The following UGT1A7 variants were observed in gnomAD, a reference collection of about 807,000 sequenced individuals.
The protein encoded by UGT1A7 is UDP glucuronosyltransferase family 1 member A7.
A neutral mutation model predicts 45.6 loss-of-function variants in UGT1A7; 33 were observed. That is an observed-to-expected ratio of 0.72 (90% CI 0.55 to 0.97). The LOEUF is 0.97. Ranked by LOEUF, UGT1A7 falls within the 50% of genes least tolerant of loss-of-function variation. UGT1A7 has a pLI of 0.00. For synonymous variants in UGT1A7, 274 were observed against 250.6 expected (o/e 1.09, Z -0.88); for missense variants, 684 against 666.2 (o/e 1.03, Z -0.29).
intron 1 of UGT1A7, chr2:233,692,825 T>C: frequency 4.2e-6 from 6 of 1,437,362 alleles, no homozygotes; most frequent in Non-Finnish European, 3.6e-6. Flanking sequence ...ATTAACCATG[T>C]GATTAAAATG....
intron 1 of UGT1A7, among the ~76,000 whole-genome samples, chr2:233,758,114 C>T (rs192892910): frequency 7.9e-5 from 12 of 152,298 alleles, no homozygotes; most frequent in South Asian, 2.1e-4. Context: ...AGGGCTCACA[C>T]GTTCCATAAA....
At chr2:233,725,467 G>A (rs1170231243) in intron 1 of UGT1A7, among the ~76,000 whole-genome samples, 1 of 151,678 alleles carries the variant, frequency 6.6e-6, no homozygotes, top group Non-Finnish European at 1.5e-5. Flanking sequence ...TTTTCTAGTG[G>A]GCATGTTAGA....
intron 1 of UGT1A7, among the ~76,000 whole-genome samples, chr2:233,757,936 C>A (rs1430982400): frequency 6.6e-6 from 1 of 152,072 alleles, no homozygotes; most frequent in African/African-American, 2.4e-5. Context: ...AAAGCAAGAC[C>A]ATCATATTGC....
chr2:233,729,694 C>A (rs1447462481), intron 1 of UGT1A7: 7 of 1,613,908 alleles, frequency 4.3e-6, no homozygotes, highest in Non-Finnish European at 5.9e-6. Flanking sequence ...GTGTCCAAAC[C>A]CTTCCTCCTA....
At chr2:233,696,110 A>C (rs2075324889) in intron 1 of UGT1A7, among the ~76,000 whole-genome samples, 1 of 152,238 alleles carries the variant, frequency 6.6e-6, no homozygotes, top group Admixed American at 6.5e-5. Flanking sequence ...AACAAAACAA[A>C]AAGAACTAGA....
chr2:233,719,433 A>G, intron 1 of UGT1A7: 1 of 1,613,974 alleles, frequency 6.2e-7, no homozygotes, highest in Non-Finnish European at 8.5e-7. Flanking sequence ...TTCAGACCAC[A>G]TGACATTCCT....
chr2:233,766,003 G>A (rs1430572640), intron 1 of UGT1A7, among the ~76,000 whole-genome samples: 1 of 152,074 alleles, frequency 6.6e-6, no homozygotes, highest in Non-Finnish European at 1.5e-5. Flanking sequence ...AGTGGGCGTG[G>A]GTTATGGCCT....
At chr2:233,704,936 G>C (rs2075813786) in intron 1 of UGT1A7, among the ~76,000 whole-genome samples, 1 of 152,114 alleles carries the variant, frequency 6.6e-6, no homozygotes, top group South Asian at 2.1e-4. Context: ...CCTAGATCAA[G>C]ACCAGCCTGG....
intron 1 of UGT1A7, among the ~76,000 whole-genome samples, chr2:233,686,811 C>G (rs901755275): frequency 1.2e-4 from 18 of 152,132 alleles, no homozygotes; most frequent in African/African-American, 4.3e-4. Flanking sequence ...GTTACTTTTC[C>G]CTACCTATTT....
At chr2:233,698,537 C>T (rs1177277772) in intron 1 of UGT1A7, among the ~76,000 whole-genome samples, 3 of 152,152 alleles carry the variant, frequency 2.0e-5, no homozygotes, top group Admixed American at 6.5e-5. Context: ...GTAAACAGAA[C>T]ACGAGTGGCC....
rs753289474 is a variant in UGT1A7 at position 233,769,632 on chromosome 2, G to C, written c.1295+1193G>C. ...CACCAGCTTGAGCAAGGGACAACAG[G>C]GGAGGACTGATGACTGACTTCCCAC... On this transcript the variant is annotated intron_variant, in intron 4 of 4. Transcript: ENST00000373426. This position sits in a 1 kb window ranked among gnomAD's most constrained non-coding sequence, Gnocchi z 4.4. The C allele has an allele frequency of 1.7e-5, 27 of 1,611,424 alleles. No individual in the cohort carries two copies. Among genetic ancestry groups the C allele is most frequent in the Non-Finnish European group, 1.8e-5 (21 of 1,179,338 alleles).
chr2:233,755,325 G>T, intron 1 of UGT1A7: 1 of 473,384 alleles, frequency 2.1e-6, no homozygotes, highest in Non-Finnish European at 3.6e-6. Flanking sequence ...AAGGCTGCCA[G>T]CACCCGCGCA....
rs909741702 is a variant in UGT1A7, at chr2:233,769,798, T to C, written c.1295+1359T>C. On this transcript the variant is annotated intron_variant, in intron 4 of 4. Coordinates refer to ENST00000373426, the MANE Select transcript of UGT1A7 (RefSeq NM_019077.3). This position sits in a 1 kb window ranked among gnomAD's most constrained non-coding sequence, Gnocchi z 4.4. ...TGAGCCCAGAAGTTGGAGGCTGCTA[T>C]GAGCCGTGATCATGCCACTGCACTC... The C allele has an allele frequency of 8.3e-7, 1 of 1,206,032 alleles. No homozygotes were observed. The highest frequency in any genetic ancestry group is 1.6e-5 in the African/African-American group (1 of 64,426). 74.7% of individuals were successfully genotyped at this position (1,206,032 alleles called of 1,614,324 possible). A position where few individuals can be genotyped will look rare whatever the true frequency, so the allele number is the denominator to read the frequency against.
chr2:233,760,536 C>T (rs2125985634), intron 1 of UGT1A7: 27 of 1,614,224 alleles, frequency 1.7e-5, no homozygotes, highest in Non-Finnish European at 2.3e-5. Flanking sequence ...CTGTGCCATT[C>T]CAAAGGGAGG....
intron 1 of UGT1A7, among the ~76,000 whole-genome samples, chr2:233,714,471 G>A (rs4663945): frequency 0.089 from 13,512 of 152,132 alleles, 752 homozygotes; most frequent in East Asian, 0.2. Flanking sequence ...ATTGTAATAG[G>A]AGAATGTTTC....
At chr2:233,722,092 G>C (rs2076989612) in intron 1 of UGT1A7, 1 of 213,864 alleles carries the variant, frequency 4.7e-6, no homozygotes, top group African/African-American at 2.3e-5. Context: ...GATCACCTTA[G>C]GCCTCTTAGA....
At chr2:233,761,602 T>C (rs529551747) in intron 1 of UGT1A7, among the ~76,000 whole-genome samples, 4 of 152,366 alleles carry the variant, frequency 2.6e-5, no homozygotes, top group African/African-American at 9.6e-5. Flanking sequence ...AGCTCCAGTT[T>C]CTAAATATTC....
intron 1 of UGT1A7, chr2:233,747,764 C>A: frequency 6.2e-7 from 1 of 1,613,426 alleles, no homozygotes; most frequent in Non-Finnish European, 8.5e-7. Context: ...ACTTTAAGGG[C>A]ACACAGTGTC....
At chr2:233,744,235 A>C (rs943816403) in intron 1 of UGT1A7, among the ~76,000 whole-genome samples, 3 of 151,766 alleles carry the variant, frequency 2.0e-5, no homozygotes, top group African/African-American at 4.9e-5. Flanking sequence ...GAGGGCCTTG[A>C]CTTTGGCTGC....
Sources: allele counts gnomAD v4.1 joint callset (sites outside exome capture counted in the v4.1 genomes callset), GRCh38; gene constraint gnomAD v4.1.1; non-coding constraint Gnocchi (gnomAD v3.1); transcripts MANE v1.5; gene names NCBI Gene and HGNC (gene_info 2026-07-23, HGNC 2026-07-21).